TMEM178B: variants seen among roughly 807,000 people sequenced by gnomAD.
TMEM178B encodes transmembrane protein 178B.
Under a neutral mutation model 31.0 loss-of-function variants are expected in TMEM178B, and 5 were observed. That is an observed-to-expected ratio of 0.16 (90% CI 0.08 to 0.34). TMEM178B has a LOEUF of 0.34. TMEM178B is among the 10% of genes least tolerant of loss of function. TMEM178B has a pLI of 1.00. For synonymous variants in TMEM178B, 164 were observed against 164.0 expected (o/e 1.00, Z 0.00); for missense variants, 275 against 400.3 (o/e 0.69, Z 2.67).
chr7:141,246,937 A>G (rs1430762552), intron 2 of TMEM178B, among the ~76,000 whole-genome samples: 1 of 152,184 alleles, frequency 6.6e-6, no homozygotes, highest in Non-Finnish European at 1.5e-5. Context: ...TGCTCTCTAA[A>G]ATAAACGTCT....
At chr7:141,396,617 C>G (rs955219177) in intron 2 of TMEM178B, among the ~76,000 whole-genome samples, 1 of 152,216 alleles carries the variant, frequency 6.6e-6, no homozygotes, top group African/African-American at 2.4e-5. Flanking sequence ...TTCCTCCCAT[C>G]ATAATATCTG....
intron 2 of TMEM178B, among the ~76,000 whole-genome samples, chr7:141,335,733 T>A (rs1459918054): frequency 6.6e-6 from 1 of 152,204 alleles, no homozygotes; most frequent in African/African-American, 2.4e-5. Context: ...AGATCTGTGG[T>A]CACCTCTGTT....
intron 2 of TMEM178B, among the ~76,000 whole-genome samples, chr7:141,368,174 C>A (rs1384612855): frequency 6.6e-6 from 1 of 152,142 alleles, no homozygotes; most frequent in Non-Finnish European, 1.5e-5. Flanking sequence ...CAAAAATCAG[C>A]AGGGCATGGT....
intron 2 of TMEM178B, among the ~76,000 whole-genome samples, chr7:141,391,683 C>T (rs1489788316): frequency 6.6e-6 from 1 of 152,038 alleles, no homozygotes; most frequent in African/African-American, 2.4e-5. Flanking sequence ...GACATGAATT[C>T]CCCCATTCTC....
At chr7:141,174,965 A>C (rs1327443904) in intron 1 of TMEM178B, among the ~76,000 whole-genome samples, 1 of 152,152 alleles carries the variant, frequency 6.6e-6, no homozygotes, top group South Asian at 2.1e-4. Flanking sequence ...CTTTAGTTTA[A>C]TCAGATCCCG....
intron 2 of TMEM178B, among the ~76,000 whole-genome samples, chr7:141,360,211 A>G (rs1799894166): frequency 6.6e-6 from 1 of 152,198 alleles, no homozygotes; most frequent in Non-Finnish European, 1.5e-5. Flanking sequence ...CTTACTAACA[A>G]AATCCTGATT....
At chr7:141,253,450 G>C (rs961226688) in intron 2 of TMEM178B, among the ~76,000 whole-genome samples, 3 of 151,632 alleles carry the variant, frequency 2.0e-5, no homozygotes, top group African/African-American at 7.3e-5. Context: ...TTACAAAATA[G>C]CTGTGCTCCA....
intron 2 of TMEM178B, among the ~76,000 whole-genome samples, chr7:141,241,354 G>A (rs1353521665): frequency 6.6e-6 from 1 of 152,038 alleles, no homozygotes; most frequent in Non-Finnish European, 1.5e-5. Flanking sequence ...CACTTTGGGA[G>A]GCTGAGGTGG....
At chr7:141,408,449 AGGTCTGGAGT>A (rs1800924651) in intron 2 of TMEM178B, among the ~76,000 whole-genome samples, 1 of 152,222 alleles carries the variant, frequency 6.6e-6, no homozygotes, top group African/African-American at 2.4e-5. Flanking sequence ...TCATTTCAGC[AGGTCTGGAGT>A]GGGCCTAAGA....
chr7:141,265,149 G>T, intron 2 of TMEM178B, among the ~76,000 whole-genome samples: 1 of 152,298 alleles, frequency 6.6e-6, no homozygotes, highest in Non-Finnish European at 1.5e-5. Flanking sequence ...TGATGGACAT[G>T]GTTAACAGGG....
At chr7:141,151,480 T>C (rs922901538) in intron 1 of TMEM178B, among the ~76,000 whole-genome samples, 2 of 152,080 alleles carry the variant, frequency 1.3e-5, no homozygotes, top group Admixed American at 6.5e-5. Context: ...CCAGGTTGCC[T>C]ATTTTCCATG....
intron 2 of TMEM178B, among the ~76,000 whole-genome samples, chr7:141,342,227 C>T (rs1799527370): frequency 6.6e-6 from 1 of 152,216 alleles, no homozygotes; most frequent in South Asian, 2.1e-4. Flanking sequence ...GGATTACAGG[C>T]ATGAGCCACA....
chr7:141,228,928 T>G (rs1172898453), intron 2 of TMEM178B, among the ~76,000 whole-genome samples: 1 of 151,962 alleles, frequency 6.6e-6, no homozygotes, highest in East Asian at 1.9e-4. Context: ...TTAGAAGCTT[T>G]CCAAGACTAT....
At chr7:141,236,538 C>A (rs116328823) in intron 2 of TMEM178B, among the ~76,000 whole-genome samples, 1,592 of 152,344 alleles carry the variant, frequency 0.01, 30 homozygotes, top group African/African-American at 0.036. Context: ...CAGCCTCCAT[C>A]TTCCCTCAAA....
intron 2 of TMEM178B, among the ~76,000 whole-genome samples, chr7:141,279,917 T>C (rs926569031): frequency 1.3e-5 from 2 of 152,266 alleles, no homozygotes. Context: ...TTTTCACTCG[T>C]TGACTTTGTG....
intron 2 of TMEM178B, among the ~76,000 whole-genome samples, chr7:141,242,272 G>C (rs1260454440): frequency 6.6e-6 from 1 of 152,142 alleles, no homozygotes; most frequent in African/African-American, 2.4e-5. Flanking sequence ...AAATTTAAGT[G>C]GAAGTTTGAT....
chr7:141,389,869 T>A (rs1490180188), intron 2 of TMEM178B, among the ~76,000 whole-genome samples: 2 of 152,190 alleles, frequency 1.3e-5, no homozygotes, highest in Admixed American at 1.3e-4. Flanking sequence ...GTGACTGGCA[T>A]GAGCACCTCG....
At chr7:141,192,798 C>G (rs1796718734) in intron 1 of TMEM178B, among the ~76,000 whole-genome samples, 1 of 152,178 alleles carries the variant, frequency 6.6e-6, no homozygotes, top group Non-Finnish European at 1.5e-5. Flanking sequence ...TTACTTCAGT[C>G]TGTTTCAGTA....
At chr7:141,140,923 GTT>G (rs1795758044) in intron 1 of TMEM178B, among the ~76,000 whole-genome samples, 2 of 152,172 alleles carry the variant, frequency 1.3e-5, no homozygotes, top group African/African-American at 4.8e-5. Flanking sequence ...ATGGGGTAGT[GTT>G]TGTCAGATTT....
Sources: gnomAD v4.1 joint callset for allele counts (sites outside exome capture counted in the v4.1 genomes callset) on GRCh38, gnomAD v4.1.1 for gene constraint, MANE v1.5 for transcripts, NCBI Gene and HGNC (gene_info 2026-07-23, HGNC 2026-07-21) for gene names.